Variants in GCNT1 observed in about 807,000 individuals in gnomAD.
GCNT1 encodes glucosaminyl (N-acetyl) transferase 1, also known as beta-1,3-galactosyl-O-glycosyl-glycoprotein beta-1,6-N-acetylglucosaminyltransferase.
Under a neutral mutation model 26.2 loss-of-function variants are expected in GCNT1, and 16 were observed. The observed-to-expected ratio is 0.61, with a 90% CI of 0.41 to 0.93. The LOEUF is 0.93. Ranked by LOEUF, GCNT1 falls within the 40% of genes least tolerant of loss-of-function variation. The pLI, the probability that GCNT1 is intolerant of heterozygous loss-of-function variation, is 0.00. For synonymous variants in GCNT1, 183 were observed against 190.8 expected (o/e 0.96, Z 0.34); for missense variants, 477 against 526.7 (o/e 0.91, Z 0.92).
At chr9:76,494,867 C>T (rs574521602) in intron 2 of GCNT1, among the ~76,000 whole-genome samples, 22 of 152,202 alleles carry the variant, frequency 1.4e-4, no homozygotes, top group African/African-American at 4.8e-4. Context: ...GTCAGGACCC[C>T]GGAGCTGAAT....
chr9:76,463,040 G>C (rs531334165), intron 2 of GCNT1, among the ~76,000 whole-genome samples: 2 of 152,108 alleles, frequency 1.3e-5, no homozygotes, highest in Admixed American at 1.3e-4. Flanking sequence ...GAAAAATCTC[G>C]ACTTTCTCAA....
intron 2 of GCNT1, among the ~76,000 whole-genome samples, chr9:76,463,723 G>A (rs141461545): frequency 8.4e-6 from 1 of 118,574 alleles, no homozygotes; most frequent in Admixed American, 8.4e-5. Flanking sequence ...CAAGATGGAG[G>A]GTCCCTGCCT....
chr9:76,479,965 T>C (rs1411832432), intron 2 of GCNT1, among the ~76,000 whole-genome samples: 2 of 152,234 alleles, frequency 1.3e-5, no homozygotes, highest in African/African-American at 4.8e-5. Context: ...CTAGGTTTTC[T>C]TCTAGGGTTT....
intron 2 of GCNT1, among the ~76,000 whole-genome samples, chr9:76,486,228 G>A (rs1748368243): frequency 6.6e-6 from 1 of 152,094 alleles, no homozygotes; most frequent in Non-Finnish European, 1.5e-5. Context: ...TGTTAATACG[G>A]GTAAGCCATT....
At chr9:76,443,536 T>C (rs967400283) in intron 1 of GCNT1, among the ~76,000 whole-genome samples, 1 of 152,108 alleles carries the variant, frequency 6.6e-6, no homozygotes, top group African/African-American at 2.4e-5. Flanking sequence ...CTTTAAGCGG[T>C]TTTCCACCCT....
At chr9:76,473,103 C>T (rs1328550005) in intron 2 of GCNT1, among the ~76,000 whole-genome samples, 1 of 152,088 alleles carries the variant, frequency 6.6e-6, no homozygotes, top group African/African-American at 2.4e-5. Context: ...CCACAGACTC[C>T]ACCCCTAGCC....
At chr9:76,477,371 C>G in intron 2 of GCNT1, among the ~76,000 whole-genome samples, 1 of 151,612 alleles carries the variant, frequency 6.6e-6, no homozygotes, top group Admixed American at 6.6e-5. Flanking sequence ...ATTAAAAATA[C>G]AAAAATTAGC....
upstream of GCNT1, among the ~76,000 whole-genome samples, chr9:76,438,810 A>C (rs1206263898): frequency 5.3e-5 from 8 of 152,124 alleles, no homozygotes; most frequent in African/African-American, 1.9e-4. Flanking sequence ...AAAAAAAAAA[A>C]AAAACTCATA....
the GCNT1 span, among the ~76,000 whole-genome samples, chr9:76,413,326 A>G: frequency 3.3e-5 from 5 of 152,322 alleles, no homozygotes; most frequent in South Asian, 1.0e-3. Flanking sequence ...CACAGGTCAG[A>G]CACTTAGACA....
At chr9:76,465,923 C>T (rs1823983399) in intron 2 of GCNT1, among the ~76,000 whole-genome samples, 1 of 151,944 alleles carries the variant, frequency 6.6e-6, no homozygotes, top group Non-Finnish European at 1.5e-5. Flanking sequence ...GGAGGAGGAG[C>T]GGGTTGGCAC....
the GCNT1 span, among the ~76,000 whole-genome samples, chr9:76,407,535 A>G: frequency 6.6e-6 from 1 of 152,198 alleles, no homozygotes; most frequent in Non-Finnish European, 1.5e-5. Context: ...TTTATAGTAA[A>G]TCGTGAAGTC....
intron 2 of GCNT1, among the ~76,000 whole-genome samples, chr9:76,486,345 C>T (rs537556776): frequency 6.6e-6 from 1 of 152,308 alleles, no homozygotes; most frequent in South Asian, 2.1e-4. Context: ...TCATAGTAAC[C>T]TGCTGAGAAA....
chr9:76,415,809 A>C (rs765559569), upstream of GCNT1, among the ~76,000 whole-genome samples: 25 of 152,218 alleles, frequency 1.6e-4, no homozygotes, highest in Admixed American at 7.2e-4. Flanking sequence ...AGAAAAACCC[A>C]AAACCCTGAG....
rs1414865615 is a variant in GCNT1 at position 76,486,940 on chromosome 9, C to CAAAA, written c.-289-13975_-289-13972dup. Reference sequence around the variant, plus strand: ...TAAAACAAACAAACAAACAAACAAACAAAACTAGATCTAAATTTTTAGCAG... The same window carrying CAAAA: ...TAAAACAAACAAACAAACAAACAAACAAAAAAAACTAGATCTAAATTTTTAGCAG... On this transcript the variant is annotated intron_variant, in intron 2 of 3. Coordinates refer to ENST00000376730, the MANE Select transcript of GCNT1 (RefSeq NM_001490.5). Among the ~76,000 whole-genome samples, 32 of 151,904 alleles carry CAAAA rather than the reference C, an allele frequency of 2.1e-4. 2 individuals are homozygous for CAAAA. Among genetic ancestry groups the CAAAA allele is most frequent in the Non-Finnish European group, 4.4e-4 (30 of 67,932 alleles).
rs1825214031 is a variant in GCNT1 at position 76,505,471 on chromosome 9, T to C, written c.*1803T>C. ...TAAACCAGTTTTGTCCTTTAATGCA[T>C]GTCAAATATTTCTCCCATGCTTCTC... On this transcript the variant is annotated 3_prime_UTR_variant, in exon 4 of 4. Transcript: ENST00000376730. 1 of 167,128 alleles carries C rather than the reference T, an allele frequency of 6.0e-6. No homozygotes were observed. The highest frequency in any genetic ancestry group is 2.1e-4 in the South Asian group (1 of 4,830). 10.4% of individuals were successfully genotyped at this position (167,128 alleles called of 1,614,324 possible).
At chr9:76,495,268 T>C (rs1206916899) in intron 2 of GCNT1, among the ~76,000 whole-genome samples, 1 of 152,102 alleles carries the variant, frequency 6.6e-6, no homozygotes, top group Non-Finnish European at 1.5e-5. Context: ...AAAGATGGTG[T>C]GTCCAGAGTT....
intron 1 of GCNT1, among the ~76,000 whole-genome samples, chr9:76,436,598 CAAAA>C (rs1178497535): frequency 2.9e-4 from 12 of 41,132 alleles, no homozygotes; most frequent in East Asian, 8.8e-4. Context: ...GATTCCATCT[CAAAA>C]AAAAAAAAAA....
intron 1 of GCNT1, 85 bp from the exon 2 acceptor site, chr9:76,459,975 A>G (rs1823836329): frequency 6.6e-6 from 1 of 152,152 alleles, no homozygotes; most frequent in Admixed American, 6.5e-5. Context: ...TTTTTTAAGT[A>G]TCTCAGGCAG....
chr9:76,427,229 CTG>C (rs1823270375), intron 1 of GCNT1, among the ~76,000 whole-genome samples: 1 of 148,332 alleles, frequency 6.7e-6, no homozygotes, highest in Non-Finnish European at 1.5e-5. Flanking sequence ...TAGGGTCTCA[CTG>C]TGTTGCCCAG....
Sources: gnomAD v4.1 joint callset for allele counts (sites outside exome capture counted in the v4.1 genomes callset) on GRCh38, gnomAD v4.1.1 for gene constraint, MANE v1.5 for transcripts, NCBI Gene and HGNC (gene_info 2026-07-23, HGNC 2026-07-21) for gene names.